DIS3L2: variants seen among roughly 807,000 people sequenced by gnomAD.
DIS3L2 encodes DIS3 like 3'-5' exoribonuclease 2, also known as DIS3-like exonuclease 2.
Under a neutral mutation model 97.5 loss-of-function variants are expected in DIS3L2, and 34 were observed. That is an observed-to-expected ratio of 0.35 (90% confidence interval 0.27 to 0.46). The LOEUF (loss-of-function observed/expected upper bound fraction) is 0.46. Among genes scored for constraint, DIS3L2 ranks in the 20% least tolerant of loss-of-function variants. The probability of loss-of-function intolerance (pLI) is 1.00; values close to 1 mark genes in which losing one functional copy is unlikely to be tolerated. For missense variants in DIS3L2, 1,038 were observed against 1,146.0 expected (o/e 0.91, Z 1.36); for synonymous variants, 435 against 445.2 (o/e 0.98, Z 0.29).
At chr2:232,210,691 C>G (rs990015995) in intron 10 of DIS3L2, among the ~76,000 whole-genome samples, 7 of 152,304 alleles carry the variant, frequency 4.6e-5, no homozygotes, top group African/African-American at 1.7e-4. Flanking sequence ...CAAGCCTTGG[C>G]CCTTCAGATG....
chr2:232,021,268 A>G (rs1252342350), intron 3 of DIS3L2, among the ~76,000 whole-genome samples: 1 of 152,102 alleles, frequency 6.6e-6, no homozygotes, highest in African/African-American at 2.4e-5. Flanking sequence ...GTTAATAGAT[A>G]ATGATAGGCC....
chr2:232,337,394 C>T (rs938461922), downstream of DIS3L2, among the ~76,000 whole-genome samples: 67 of 152,256 alleles, frequency 4.4e-4, 1 homozygote, highest in African/African-American at 1.6e-3. Context: ...GTGGGTGCCC[C>T]GGCAGCACCA....
At chr2:232,072,370 CAA>C (rs1236549476) in intron 5 of DIS3L2, among the ~76,000 whole-genome samples, 3 of 152,038 alleles carry the variant, frequency 2.0e-5, no homozygotes, top group Non-Finnish European at 4.4e-5. Context: ...TGGGAAGAAA[CAA>C]AGGAAGAGAG....
chr2:232,035,400 G>T (rs925923789), intron 5 of DIS3L2, among the ~76,000 whole-genome samples: 1 of 152,208 alleles, frequency 6.6e-6, no homozygotes, highest in African/African-American at 2.4e-5. Context: ...GTCTCTGCAC[G>T]TGAGATGGCT....
At position 232,163,593 on chromosome 2, in the gene DIS3L2, C is replaced by A. The variant is rs762225594; in HGVS notation, c.1085C>A (p.Thr362Lys). The change falls in exon 9 of 21, where the codon ACA becomes AAA. Residue 362 changes from threonine to lysine, a missense_variant. Thr to Lys is a moderately conservative substitution (Grantham distance 78). Transcript: ENST00000325385. ...TGTCTTCCTCAAGGCCTGCCATGGACAATTCCACCAGAGGAGTTCAGCAAG... is the reference window on the plus strand; with the variant it reads ...TGTCTTCCTCAAGGCCTGCCATGGAAAATTCCACCAGAGGAGTTCAGCAAG... ...LECLPQGLPW[T>K]IPPEEFSKRR... The A allele has an allele frequency of 1.9e-6, 3 of 1,614,006 alleles. No homozygotes were observed. The highest frequency in any genetic ancestry group is 1.1e-5 in the South Asian group (1 of 91,074).
chr2:232,342,071 C>T (rs766702135), downstream of DIS3L2, among the ~76,000 whole-genome samples: 3 of 151,382 alleles, frequency 2.0e-5, no homozygotes, highest in Admixed American at 6.6e-5. Context: ...TGTCACACAA[C>T]GATAGATAAT....
intron 1 of DIS3L2, among the ~76,000 whole-genome samples, chr2:232,011,298 A>G (rs1004898514): frequency 1.3e-5 from 2 of 151,814 alleles, no homozygotes; most frequent in Non-Finnish European, 2.9e-5. Context: ...TTCAGGCTTA[A>G]TGGGCCTTTA....
At position 232,334,427 on chromosome 2, in the gene DIS3L2, T is replaced by C. The variant is rs1299876151; in HGVS notation, c.2217T>C (p.Cys739=). 2 of 1,613,814 alleles carry C rather than the reference T, an allele frequency of 1.2e-6. No individual in the cohort carries two copies. Among genetic ancestry groups the C allele is most frequent in the East Asian group, 2.2e-5 (1 of 44,870 alleles). The change falls in exon 18 of 21, where the codon TGT becomes TGC. Residue 739 remains cysteine (C), a synonymous_variant. Transcript: ENST00000325385. ...CCCTGCAGAAACAGGCGGACCACTG[T>C]AACGACCGCCGCATGGCGTCCAAGC... ...PDTLQKQADH[C]NDRRMASKRV...
chr2:232,282,605 TG>T (rs1281291305), intron 13 of DIS3L2, among the ~76,000 whole-genome samples: 1 of 152,224 alleles, frequency 6.6e-6, no homozygotes, highest in Non-Finnish European at 1.5e-5. Context: ...GATGACCTCG[TG>T]GGCAGTTCAG....
At chr2:232,163,759 C>G in intron 9 of DIS3L2, 127 bp downstream of exon 9, 1 of 1,112,352 alleles carries the variant, frequency 9.0e-7, no homozygotes, top group Non-Finnish European at 1.2e-6. Flanking sequence ...ATAGGTGCTT[C>G]TGTACCACAG....
At chr2:232,230,560 A>G (rs1015619765) in intron 10 of DIS3L2, among the ~76,000 whole-genome samples, 2 of 152,192 alleles carry the variant, frequency 1.3e-5, no homozygotes, top group African/African-American at 2.4e-5. Flanking sequence ...AACCTGAGGG[A>G]CAGGAAGTCC....
chr2:232,329,785 T>TCCCGGGGCCCCCCCCC, intron 14 of DIS3L2, 28 bp from the exon 15 acceptor site: 2 of 967,140 alleles, frequency 2.1e-6, no homozygotes, highest in Non-Finnish European at 2.9e-6. Context: ...ACCCCAGCGG[T>TCCCGGGGCCCCCCCCC]CCCTCCCATC....
At chr2:232,331,435 C>T (rs1180443691) in intron 16 of DIS3L2, among the ~76,000 whole-genome samples, 3 of 152,240 alleles carry the variant, frequency 2.0e-5, no homozygotes, top group Non-Finnish European at 2.9e-5. Flanking sequence ...TTTAGGGGCT[C>T]GGTCACTCGG....
intron 11 of DIS3L2, among the ~76,000 whole-genome samples, chr2:232,241,341 G>A (rs1693075647): frequency 6.6e-6 from 1 of 152,196 alleles, no homozygotes; most frequent in Non-Finnish European, 1.5e-5. Context: ...AGGGGGGCTG[G>A]GGTTCCAGTT....
chr2:231,986,437 A>G (rs918317838), intron 1 of DIS3L2, among the ~76,000 whole-genome samples: 1 of 152,184 alleles, frequency 6.6e-6, no homozygotes, highest in African/African-American at 2.4e-5. Flanking sequence ...AATTTTGTCA[A>G]TTCGCCTAGC....
chr2:232,223,040 C>G (rs1225251056), intron 10 of DIS3L2, among the ~76,000 whole-genome samples: 2 of 152,170 alleles, frequency 1.3e-5, no homozygotes, highest in East Asian at 1.9e-4. Flanking sequence ...TGGAAATTCT[C>G]TTTTTCATGG....
At chr2:232,046,337 C>T (rs1022321993) in intron 5 of DIS3L2, among the ~76,000 whole-genome samples, 11 of 152,126 alleles carry the variant, frequency 7.2e-5, no homozygotes, top group Admixed American at 2.6e-4. Flanking sequence ...CATGTACTAA[C>T]GGCATGGAAG....
In DIS3L2 at chr2:232,244,782, A is replaced by C. The variant is rs867106571; in HGVS notation, c.1318-4457A>C. Reference sequence around the variant, plus strand: ...GCAGTCAGGTAAGAGGTCTGAGGAGAATAGTAACATTTTGGGACCTCTTCT... The same window carrying C: ...GCAGTCAGGTAAGAGGTCTGAGGAGCATAGTAACATTTTGGGACCTCTTCT... On this transcript the variant is annotated intron_variant, in intron 11 of 20. Coordinates refer to ENST00000325385, the MANE Select transcript of DIS3L2 (RefSeq NM_152383.5). Among the ~76,000 whole-genome samples, 3 of 152,100 alleles carry C rather than the reference A, an allele frequency of 2.0e-5. 1 individual carries two copies. The South Asian group carries it at 6.2e-4, about 32-fold the overall frequency.
chr2:232,170,194 C>T (rs1048440008), intron 9 of DIS3L2, among the ~76,000 whole-genome samples: 4 of 152,156 alleles, frequency 2.6e-5, no homozygotes, highest in Non-Finnish European at 5.9e-5. Context: ...ACCAGAAGCT[C>T]AAGAAACCCA....
Sources: gnomAD v4.1 joint callset for allele counts (sites outside exome capture counted in the v4.1 genomes callset) on GRCh38, gnomAD v4.1.1 for gene constraint, MANE v1.5 for transcripts, NCBI Gene and HGNC (gene_info 2026-07-23, HGNC 2026-07-21) for gene names.